Variants in GRK4 observed in about 807,000 individuals in gnomAD.
GRK4 encodes the protein G protein-coupled receptor kinase 4.
GRK4 carries 73 observed loss-of-function variants against 77.9 expected under a neutral mutation model. The observed-to-expected ratio is 0.94, with a 90% CI of 0.78 to 1.14. The LOEUF is 1.14. GRK4 is among the 50% of genes most tolerant of loss of function. The pLI, the probability that GRK4 is intolerant of heterozygous loss-of-function variation, is 0.00. For missense variants in GRK4, 729 were observed against 700.2 expected, an observed-to-expected ratio of 1.04 and a Z score of -0.46; for synonymous variants, 257 against 254.4, an observed-to-expected ratio of 1.01 and a Z score of -0.10.
chr4:2,975,271 C>T (rs577845838), intron 1 of GRK4, among the ~76,000 whole-genome samples: 1 of 152,176 alleles, frequency 6.6e-6, no homozygotes, highest in Admixed American at 6.5e-5. Context: ...CCACTGCACT[C>T]CAGCCTGGCC....
At chr4:3,002,138 A>C (rs916677057) in intron 4 of GRK4, among the ~76,000 whole-genome samples, 1 of 152,096 alleles carries the variant, frequency 6.6e-6, no homozygotes, top group Non-Finnish European at 1.5e-5. Context: ...CTCTGTGTTT[A>C]GGAATCTATC....
intron 7 of GRK4, among the ~76,000 whole-genome samples, chr4:3,013,241 G>A (rs114092845): frequency 0.02 from 3,008 of 151,876 alleles, 56 homozygotes; most frequent in Non-Finnish European, 0.028. Context: ...TCGTAGAGAC[G>A]GGGTGTCGCC....
intron 10 of GRK4, among the ~76,000 whole-genome samples, chr4:3,022,835 C>T (rs903211219): frequency 7.2e-5 from 11 of 152,008 alleles, no homozygotes; most frequent in African/African-American, 2.2e-4. Context: ...TACAGCTGTG[C>T]GCCACCATGC....
At chr4:3,029,673 G>A (rs1469178454) in intron 12 of GRK4, among the ~76,000 whole-genome samples, 1 of 152,272 alleles carries the variant, frequency 6.6e-6, no homozygotes, top group African/African-American at 2.4e-5. Flanking sequence ...CCAGCAGGGA[G>A]GACACGCGTG....
chr4:2,987,679 G>A (rs573632658), intron 2 of GRK4, among the ~76,000 whole-genome samples: 4 of 152,236 alleles, frequency 2.6e-5, no homozygotes, highest in African/African-American at 7.2e-5. Flanking sequence ...AGTGGCTCAC[G>A]GCTGTAATCC....
intron 8 of GRK4, among the ~76,000 whole-genome samples, 180 bp downstream of exon 8, chr4:3,014,008 C>T (rs1208626039): frequency 2.0e-5 from 3 of 152,174 alleles, no homozygotes; most frequent in Non-Finnish European, 4.4e-5. Flanking sequence ...TCTCTTCTTT[C>T]TTATTCAAAC....
chr4:2,991,281 C>T lies in GRK4; in HGVS notation c.262-934C>T, dbSNP rs373791992. 3.9e-5 allele frequency among the ~76,000 whole-genome samples: 6 copies of T among 152,278 alleles called. No homozygotes were observed. In the East Asian group the frequency reaches 9.7e-4, roughly 25 times the overall value. ...CTTAACACCTTCCAACTGATTAGGT[C>T]AGAGCCACCTAGATTATCTAGCATA... is the stretch of plus-strand genomic sequence containing the variant. On this transcript the variant is annotated intron_variant, in intron 3 of 15. Coordinates refer to ENST00000398052, the MANE Select transcript of GRK4 (RefSeq NM_182982.3).
chr4:2,984,229 G>T (rs1397138548), intron 1 of GRK4, among the ~76,000 whole-genome samples: 1 of 152,164 alleles, frequency 6.6e-6, no homozygotes, highest in Non-Finnish European at 1.5e-5. Flanking sequence ...CTTATAAGCA[G>T]CCCTGAACAA....
intron 1 of GRK4, chr4:2,965,567 G>A (rs1717397360): frequency 5.3e-5 from 35 of 657,434 alleles, no homozygotes; most frequent in South Asian, 5.3e-4. Flanking sequence ...GTCTGGAGCC[G>A]AAGGTGGCGG....
intron 1 of GRK4, 115 bp downstream of exon 1, chr4:2,964,237 G>T (rs986308077): frequency 1.1e-6 from 1 of 916,652 alleles, no homozygotes; most frequent in African/African-American, 1.7e-5. Flanking sequence ...TCCCTGGAGA[G>T]CCCCGACACC....
chr4:2,974,001 T>C (rs988965051), intron 1 of GRK4, among the ~76,000 whole-genome samples: 2 of 152,128 alleles, frequency 1.3e-5, no homozygotes, highest in African/African-American at 4.8e-5. Context: ...TCCTGACCAC[T>C]ACCCCTTCCC....
chr4:3,013,467 A>C (rs1310971528), intron 7 of GRK4, among the ~76,000 whole-genome samples: 1 of 152,196 alleles, frequency 6.6e-6, no homozygotes, highest in Admixed American at 6.5e-5. Flanking sequence ...TATGCCAACT[A>C]GTTCCATTTG....
At chr4:3,005,000 C>T (rs927379808) in intron 5 of GRK4, among the ~76,000 whole-genome samples, 1 of 152,022 alleles carries the variant, frequency 6.6e-6, no homozygotes, top group African/African-American at 2.4e-5. Flanking sequence ...AGTATCCTAG[C>T]ATCCCTGTGG....
At chr4:2,994,180 G>A (rs1560403490) in intron 4 of GRK4, among the ~76,000 whole-genome samples, 2 of 152,150 alleles carry the variant, frequency 1.3e-5, no homozygotes, top group Non-Finnish European at 2.9e-5. Context: ...ATGAGTAGAA[G>A]TTTCATTTAT....
intron 8 of GRK4, among the ~76,000 whole-genome samples, 161 bp downstream of exon 8, chr4:3,013,989 A>T (rs1733684809): frequency 6.6e-6 from 1 of 152,150 alleles, no homozygotes; most frequent in South Asian, 2.1e-4. Context: ...TTTTGTTTTT[A>T]GTAACAGCTC....
At chr4:3,023,641 C>T (rs936723691) in intron 10 of GRK4, among the ~76,000 whole-genome samples, 4 of 152,156 alleles carry the variant, frequency 2.6e-5, no homozygotes, top group African/African-American at 9.7e-5. Flanking sequence ...AGGTTGTGTC[C>T]GTAGCTCCTG....
intron 7 of GRK4, 76 bp downstream of exon 7, chr4:3,009,787 T>TA: frequency 1.9e-6 from 2 of 1,038,748 alleles, no homozygotes; most frequent in South Asian, 2.6e-5. Flanking sequence ...TGGCTTCAGG[T>TA]AATGCATCAG....
In GRK4 at chr4:2,985,736, C is replaced by T. The variant is rs146232722; in HGVS notation, c.148+1128C>T. ...ACAGAAGGCCGGGTGTGGTGGCTCA[C>T]GCCCGTAATCCCAGCACTTTGGGAG... is the stretch of plus-strand genomic sequence containing the variant. On this transcript the variant is annotated intron_variant, in intron 2 of 15. Coordinates refer to ENST00000398052, the MANE Select transcript of GRK4 (RefSeq NM_182982.3). The T allele has an allele frequency of 6.1e-3, 1,972 of 324,336 alleles. 11 individuals carry two copies. Among genetic ancestry groups the T allele is most frequent in the Middle Eastern group, 0.024 (22 of 936 alleles). 20.1% of individuals were successfully genotyped at this position (324,336 alleles called of 1,614,324 possible). A position where few individuals can be genotyped will look rare whatever the true frequency, so the allele number is the denominator to read the frequency against.
At chr4:2,986,643 C>T (rs747444714) in intron 2 of GRK4, among the ~76,000 whole-genome samples, 3 of 151,898 alleles carry the variant, frequency 2.0e-5, no homozygotes, top group Admixed American at 1.3e-4. Flanking sequence ...CCTGAGCCAC[C>T]GCGCCTGGCC....
Sources: gnomAD v4.1 joint callset for allele counts (sites outside exome capture counted in the v4.1 genomes callset) on GRCh38, gnomAD v4.1.1 for gene constraint, MANE v1.5 for transcripts, NCBI Gene and HGNC (gene_info 2026-07-23, HGNC 2026-07-21) for gene names.